SMOC2: variants seen among roughly 807,000 people sequenced by gnomAD.
SMOC2 encodes SPARC-related modular calcium-binding protein 2.
SMOC2 carries 39 observed loss-of-function variants against 61.4 expected under a neutral mutation model. The ratio of observed to expected loss-of-function variants is 0.64; its 90% CI spans 0.49 to 0.83. SMOC2 has a LOEUF of 0.83. Ranked by LOEUF, SMOC2 falls within the 40% of genes least tolerant of loss-of-function variation. The pLI, the probability that SMOC2 is intolerant of heterozygous loss-of-function variation, is 0.00. For synonymous variants in SMOC2, 247 were observed against 239.9 expected (o/e 1.03, Z -0.27); for missense variants, 556 against 592.9 (o/e 0.94, Z 0.65).
intron 8 of SMOC2, among the ~76,000 whole-genome samples, chr6:168,599,768 A>AC (rs1270884540): frequency 1.6e-5 from 1 of 62,432 alleles, no homozygotes; most frequent in Admixed American, 2.2e-4. Context: ...AATCCCCCAA[A>AC]CACCCCCCCA....
intron 7 of SMOC2, among the ~76,000 whole-genome samples, chr6:168,582,803 G>A (rs981432719): frequency 2.0e-5 from 3 of 152,238 alleles, no homozygotes; most frequent in Non-Finnish European, 4.4e-5. Context: ...AGAAGACTCA[G>A]CTCAAACGAA....
chr6:168,599,444 CAT>C (rs1785450346), intron 8 of SMOC2, among the ~76,000 whole-genome samples: 4 of 129,030 alleles, frequency 3.1e-5, no homozygotes, highest in Non-Finnish European at 4.9e-5. Flanking sequence ...CTCACACACA[CAT>C]TCGTACCCCC....
chr6:168,600,413 AAAAAAAAACAAAAAAAAAAAC>A (rs1287026330), intron 8 of SMOC2, among the ~76,000 whole-genome samples: 2 of 24,904 alleles, frequency 8.0e-5, no homozygotes, highest in East Asian at 1.5e-3. Context: ...GCCTCAAAAA[AAAAAAAAACAAAAAAAAAAAC>A]AAAAAAAAAA....
chr6:168,570,233 A>G (rs1784634382), intron 7 of SMOC2, among the ~76,000 whole-genome samples: 2 of 152,134 alleles, frequency 1.3e-5, no homozygotes, highest in South Asian at 4.1e-4. Context: ...GAATAGAACT[A>G]AAGGTGACTA....
chr6:168,463,416 C>T (rs1781757633), intron 1 of SMOC2, among the ~76,000 whole-genome samples: 2 of 152,182 alleles, frequency 1.3e-5, no homozygotes, highest in East Asian at 3.9e-4. Context: ...CCCAGTGAGG[C>T]CTGGGAAGAA....
chr6:168,507,427 G>T (rs1416502619), intron 1 of SMOC2, among the ~76,000 whole-genome samples: 1 of 152,210 alleles, frequency 6.6e-6, no homozygotes, highest in Non-Finnish European at 1.5e-5. Context: ...TGCTGCCCCA[G>T]CCAGCTGTGT....
At chr6:168,589,042 A>C (rs140940030) in intron 7 of SMOC2, among the ~76,000 whole-genome samples, 1,676 of 144,068 alleles carry the variant, frequency 0.012, 13 homozygotes, top group Middle Eastern at 0.023. Context: ...GTGCCACTGC[A>C]CTCCAGCCTG....
rs111371097 is a variant in SMOC2 at position 168,540,899 on chromosome 6, C to T, written c.464-2726C>T. 1.2e-3 allele frequency among the ~76,000 whole-genome samples: 179 copies of T among 152,290 alleles called. No homozygotes were observed. The Middle Eastern group carries it at 0.02, about 17-fold the overall frequency. ...AGGGAGCTGCCCCTCACCCCTCTCA[C>T]GTCTGTGCCGCAGACCTCCCTCCCC... On this transcript the variant is annotated intron_variant, in intron 4 of 12. Coordinates refer to ENST00000356284, the MANE Select transcript of SMOC2 (RefSeq NM_001166412.2).
intron 2 of SMOC2, among the ~76,000 whole-genome samples, chr6:168,520,466 C>T (rs1783303250): frequency 6.6e-6 from 1 of 152,222 alleles, no homozygotes; most frequent in Non-Finnish European, 1.5e-5. Flanking sequence ...CAGCCCTGCA[C>T]TGGCTCATGG....
chr6:168,649,288 TGTGTG>T (rs1277873307), intron 9 of SMOC2, among the ~76,000 whole-genome samples: 2 of 151,980 alleles, frequency 1.3e-5, no homozygotes, highest in African/African-American at 4.8e-5. Flanking sequence ...GGGCAGAAGG[TGTGTG>T]GTGTAAACTC....
intron 1 of SMOC2, among the ~76,000 whole-genome samples, chr6:168,498,191 G>T (rs1215393753): frequency 3.3e-5 from 5 of 152,214 alleles, no homozygotes; most frequent in Non-Finnish European, 7.3e-5. Flanking sequence ...TCTCCACTGA[G>T]GTTTGGCTAA....
Position 168,666,792 on chromosome 6 carries a change from C to A in SMOC2, c.*354C>A, listed in dbSNP as rs1787673693. On this transcript the variant is annotated 3_prime_UTR_variant, in exon 13 of 13. Transcript: ENST00000356284. ...TATGGCTTTCTCTAACCCCTGCAGT[C>A]ACTTCCAGATGCCTGTGCTTACAGC... is the stretch of plus-strand genomic sequence containing the variant. 4.2e-6 allele frequency: 1 copy of A among 235,700 alleles called. No individual in the cohort carries two copies. The highest frequency in any genetic ancestry group is 9.3e-5 in the East Asian group (1 of 10,750). The allele number at this position is 235,700 out of a possible 1,614,324, so 14.6% of individuals were successfully genotyped here.
intron 9 of SMOC2, among the ~76,000 whole-genome samples, chr6:168,615,690 A>G (rs1157101867): frequency 2.7e-4 from 29 of 107,720 alleles, no homozygotes; most frequent in African/African-American, 9.0e-4. Flanking sequence ...CAGCCAGCAC[A>G]GGGCCTCTTC....
intron 4 of SMOC2, among the ~76,000 whole-genome samples, chr6:168,530,647 C>CGCCCCCACACCCACTG (rs1783571596): frequency 1.5e-5 from 2 of 132,978 alleles, no homozygotes; most frequent in Non-Finnish European, 3.3e-5. Flanking sequence ...ACCCCCCCCC[C>CGCCCCCACACCCACTG]CCCGCCCCCA....
At chr6:168,479,145 G>A (rs970455719) in intron 1 of SMOC2, among the ~76,000 whole-genome samples, 4 of 151,848 alleles carry the variant, frequency 2.6e-5, no homozygotes, top group South Asian at 2.1e-4. Flanking sequence ...GAACAGCCCT[G>A]GTTTACAGAC....
intron 1 of SMOC2, among the ~76,000 whole-genome samples, chr6:168,458,023 A>G (rs1781628371): frequency 6.6e-6 from 1 of 152,160 alleles, no homozygotes; most frequent in Non-Finnish European, 1.5e-5. Context: ...TCTCACGTGG[A>G]ATCAACGCAA....
chr6:168,622,791 A>G (rs1204438192), intron 9 of SMOC2, among the ~76,000 whole-genome samples: 1 of 152,018 alleles, frequency 6.6e-6, no homozygotes, highest in African/African-American at 2.4e-5. Context: ...TTACTGCAAA[A>G]GTAGATGCCT....
chr6:168,636,916 CTCCCTCCTCCCCCCTCCCCACCTCCCTCT>C (rs1416838629), intron 9 of SMOC2, among the ~76,000 whole-genome samples: 2 of 114,638 alleles, frequency 1.7e-5, no homozygotes, highest in Admixed American at 8.4e-5. Context: ...CGCATCCCTC[CTCCCTCCTCCCCCCTCCCCACCTCCCTCT>C]TCCCTCCTCT....
intron 1 of SMOC2, among the ~76,000 whole-genome samples, chr6:168,503,640 C>CA (rs1782788719): frequency 6.6e-6 from 1 of 152,174 alleles, no homozygotes; most frequent in Non-Finnish European, 1.5e-5. Context: ...AATTGAGTGT[C>CA]AGAGATTGCA....
Sources: gnomAD v4.1 joint callset for allele counts (sites outside exome capture counted in the v4.1 genomes callset) on GRCh38, gnomAD v4.1.1 for gene constraint, MANE v1.5 for transcripts, NCBI Gene and HGNC (gene_info 2026-07-23, HGNC 2026-07-21) for gene names.